KIAA1217: variants seen among roughly 807,000 people sequenced by gnomAD.
The protein encoded by KIAA1217 is KIAA1217, also known as sickle tail protein homolog.
A neutral mutation model predicts 163.9 loss-of-function variants in KIAA1217; 88 were observed. The ratio of observed to expected loss-of-function variants is 0.54; its 90% CI spans 0.45 to 0.64. The LOEUF (loss-of-function observed/expected upper bound fraction) is 0.64. KIAA1217 is among the 30% of genes least tolerant of loss of function. KIAA1217 has a pLI of 0.00. For missense variants in KIAA1217, 2,372 were observed against 2,475.0 expected (o/e 0.96, Z 0.88); for synonymous variants, 903 against 923.1 (o/e 0.98, Z 0.39).
intron 2 of KIAA1217, among the ~76,000 whole-genome samples, chr10:24,292,965 G>C (rs1461701809): frequency 6.6e-6 from 1 of 152,182 alleles, no homozygotes; most frequent in African/African-American, 2.4e-5. Flanking sequence ...CTGTGAACCA[G>C]AAGGCCAATT....
At chr10:23,883,498 A>G (rs1376370207) in intron 1 of KIAA1217, among the ~76,000 whole-genome samples, 1 of 151,932 alleles carries the variant, frequency 6.6e-6, no homozygotes, top group Non-Finnish European at 1.5e-5. Context: ...TTAGGTTCAT[A>G]GCAAAACTGA....
At chr10:24,172,621 C>T (rs555018923) in intron 2 of KIAA1217, among the ~76,000 whole-genome samples, 1 of 152,316 alleles carries the variant, frequency 6.6e-6, no homozygotes, top group South Asian at 2.1e-4. Flanking sequence ...AATGGTTAAA[C>T]ATGCTTAGCA....
intron 1 of KIAA1217, among the ~76,000 whole-genome samples, chr10:23,717,734 T>C (rs1319940916): frequency 6.6e-6 from 1 of 152,128 alleles, no homozygotes; most frequent in East Asian, 1.9e-4. Context: ...AAATGTATGC[T>C]AGAAATCCTC....
chr10:23,886,273 T>G (rs1841170744), intron 1 of KIAA1217, among the ~76,000 whole-genome samples: 6 of 151,946 alleles, frequency 3.9e-5, no homozygotes, highest in Admixed American at 3.9e-4. Context: ...ATCTTCACAT[T>G]TGGATCAGAA....
intron 1 of KIAA1217, among the ~76,000 whole-genome samples, chr10:23,817,305 C>A (rs913685683): frequency 6.6e-6 from 1 of 152,132 alleles, no homozygotes; most frequent in African/African-American, 2.4e-5. Flanking sequence ...TCAGAAGAAT[C>A]CATCCAGAAG....
At chr10:24,065,652 T>A (rs1471096326) in intron 2 of KIAA1217, among the ~76,000 whole-genome samples, 2 of 152,212 alleles carry the variant, frequency 1.3e-5, no homozygotes, top group Admixed American at 1.3e-4. Flanking sequence ...TAGATGTCTA[T>A]TAGGTCTGAC....
intron 2 of KIAA1217, among the ~76,000 whole-genome samples, chr10:24,178,722 T>C (rs72773194): frequency 0.034 from 5,120 of 152,342 alleles, 127 homozygotes; most frequent in Middle Eastern, 0.065. Context: ...GCACCCATGG[T>C]CTTAGAACTA....
chr10:24,126,566 A>G (rs1372827800), intron 2 of KIAA1217, among the ~76,000 whole-genome samples: 1 of 152,110 alleles, frequency 6.6e-6, no homozygotes, highest in Admixed American at 6.6e-5. Flanking sequence ...CTCATCTTCA[A>G]TGGGGAATAC....
At chr10:23,749,279 C>A (rs1393083011) in intron 1 of KIAA1217, among the ~76,000 whole-genome samples, 1 of 152,198 alleles carries the variant, frequency 6.6e-6, no homozygotes, top group Non-Finnish European at 1.5e-5. Context: ...ATTTTAACCA[C>A]TGCTGCCTTC....
chr10:24,299,095 G>A (rs1388910081), intron 2 of KIAA1217, among the ~76,000 whole-genome samples: 1 of 152,156 alleles, frequency 6.6e-6, no homozygotes, highest in Non-Finnish European at 1.5e-5. Flanking sequence ...TGTAAATACT[G>A]TATATAATAA....
At chr10:24,367,545 G>C (rs1178118546) in intron 2 of KIAA1217, among the ~76,000 whole-genome samples, 1 of 152,190 alleles carries the variant, frequency 6.6e-6, no homozygotes, top group African/African-American at 2.4e-5. Context: ...TCTCTAAGCA[G>C]AGATCCTATC....
chr10:23,963,259 TTCCCTTGTCCCCCA>T (rs1844896110), intron 1 of KIAA1217, among the ~76,000 whole-genome samples: 1 of 152,156 alleles, frequency 6.6e-6, no homozygotes, highest in Admixed American at 6.5e-5. Flanking sequence ...ATGCTCTCCC[TTCCCTTGTCCCCCA>T]CCCCTTGAGA....
intron 1 of KIAA1217, among the ~76,000 whole-genome samples, chr10:23,841,101 T>G (rs1228486877): frequency 2.0e-5 from 3 of 152,358 alleles, no homozygotes; most frequent in East Asian, 3.9e-4. Context: ...TTGTAGAATT[T>G]TAAAGCAGTA....
intron 5 of KIAA1217, among the ~76,000 whole-genome samples, chr10:24,469,374 C>G (rs1331621889): frequency 1.3e-5 from 2 of 152,114 alleles, no homozygotes; most frequent in Non-Finnish European, 2.9e-5. Flanking sequence ...ATCCGCCCAC[C>G]TCAGCCTCCC....
At chr10:24,159,194 G>T (rs1038760180) in intron 2 of KIAA1217, among the ~76,000 whole-genome samples, 3 of 151,906 alleles carry the variant, frequency 2.0e-5, no homozygotes, top group African/African-American at 7.3e-5. Flanking sequence ...TTTGAATTAT[G>T]GTGTTTTAAT....
intron 2 of KIAA1217, among the ~76,000 whole-genome samples, chr10:24,359,892 C>T (rs1473649784): frequency 6.6e-6 from 1 of 151,852 alleles, no homozygotes; most frequent in South Asian, 2.1e-4. Context: ...AATTTTATTC[C>T]ATCTTTAAGT....
At chr10:24,189,880 G>T (rs2066632369) in intron 2 of KIAA1217, among the ~76,000 whole-genome samples, 1 of 151,990 alleles carries the variant, frequency 6.6e-6, no homozygotes, top group Admixed American at 6.6e-5. Flanking sequence ...AATTAGCTGG[G>T]TATAGTGGTG....
At chr10:23,719,649 T>C (rs1376063130) in intron 1 of KIAA1217, among the ~76,000 whole-genome samples, 3 of 150,282 alleles carry the variant, frequency 2.0e-5, no homozygotes, top group African/African-American at 7.5e-5. Flanking sequence ...TATATCTATA[T>C]ATATCACACC....
chr10:23,992,330 G>A (rs1489020536), intron 1 of KIAA1217, among the ~76,000 whole-genome samples: 9 of 152,194 alleles, frequency 5.9e-5, no homozygotes, highest in African/African-American at 2.2e-4. Context: ...GAAATGGTGA[G>A]GCTTGAACTT....
Sources: gnomAD v4.1 joint callset for allele counts (sites outside exome capture counted in the v4.1 genomes callset) on GRCh38, gnomAD v4.1.1 for gene constraint, MANE v1.5 for transcripts, NCBI Gene and HGNC (gene_info 2026-07-23, HGNC 2026-07-21) for gene names.